The following SHISA6 variants were observed in gnomAD, a reference collection of about 807,000 sequenced individuals.
SHISA6 encodes the protein protein shisa-6.
Under a neutral mutation model 47.9 loss-of-function variants are expected in SHISA6, and 22 were observed. The observed-to-expected ratio is 0.46, with a 90% CI of 0.33 to 0.66. The LOEUF is 0.66. Ranked by LOEUF, SHISA6 falls within the 30% of genes least tolerant of loss-of-function variation. The probability of loss-of-function intolerance (pLI) is 0.02; values close to 1 mark genes in which losing one functional copy is unlikely to be tolerated. For synonymous variants in SHISA6, 388 were observed against 337.8 expected, an observed-to-expected ratio of 1.15 and a Z score of -1.63; for missense variants, 680 against 764.6, an observed-to-expected ratio of 0.89 and a Z score of 1.30.
intron 3 of SHISA6, among the ~76,000 whole-genome samples, chr17:11,415,058 G>T (rs576739779): frequency 6.7e-6 from 1 of 148,726 alleles, no homozygotes; most frequent in East Asian, 2.0e-4. Flanking sequence ...AGCCTGGGGC[G>T]ACAAGAGCAA....
chr17:11,323,340 A>G (rs1437449200), intron 2 of SHISA6, among the ~76,000 whole-genome samples: 2 of 152,160 alleles, frequency 1.3e-5, no homozygotes, highest in African/African-American at 2.4e-5. Context: ...CATTGTCCTC[A>G]TAACAATCAA....
At chr17:11,431,704 G>T (rs1914781428) in intron 3 of SHISA6, among the ~76,000 whole-genome samples, 1 of 152,166 alleles carries the variant, frequency 6.6e-6, no homozygotes, top group African/African-American at 2.4e-5. Flanking sequence ...CCAACAGCAG[G>T]TTTCCTTAAA....
Position 11,335,205 on chromosome 17 carries a change from GCT to G in SHISA6, c.800-44204_800-44203del, listed in dbSNP as rs373346419. Among the ~76,000 whole-genome samples, 606 of 152,326 alleles carry G rather than the reference GCT, an allele frequency of 4.0e-3. 4 individuals are homozygous for G. The highest frequency in any genetic ancestry group is 0.012 in the South Asian group (59 of 4,824). ...CTTGGCGGTTGCACAGATCTGCCCA[GCT>G]CTCTGCTGGAAGACTTATCCCATAT... On this transcript the variant is annotated intron_variant, in intron 2 of 5. Coordinates refer to ENST00000441885, the MANE Select transcript of SHISA6 (RefSeq NM_207386.4).
chr17:11,411,720 G>A (rs1182424077), intron 3 of SHISA6, among the ~76,000 whole-genome samples: 2 of 152,128 alleles, frequency 1.3e-5, no homozygotes, highest in African/African-American at 4.8e-5. Context: ...CTAATTCACT[G>A]AGGGTATCAC....
intron 3 of SHISA6, among the ~76,000 whole-genome samples, chr17:11,473,751 T>C (rs924480370): frequency 1.3e-5 from 2 of 152,220 alleles, no homozygotes; most frequent in African/African-American, 2.4e-5. Context: ...CTCCTTTTTT[T>C]GTATTTTACT....
At chr17:11,323,810 A>C (rs1164491824) in intron 2 of SHISA6, among the ~76,000 whole-genome samples, 3 of 152,102 alleles carry the variant, frequency 2.0e-5, no homozygotes, top group Non-Finnish European at 4.4e-5. Flanking sequence ...CAGGGGCCTC[A>C]GCATGGGTAT....
intron 3 of SHISA6, among the ~76,000 whole-genome samples, chr17:11,397,627 C>G (rs1913619140): frequency 6.7e-6 from 1 of 150,072 alleles, no homozygotes; most frequent in African/African-American, 2.4e-5. Flanking sequence ...TTCACACCTT[C>G]TTTTCCTGGA....
intron 1 of SHISA6, among the ~76,000 whole-genome samples, chr17:11,251,147 T>C (rs180975430): frequency 1.8e-4 from 28 of 152,198 alleles, no homozygotes; most frequent in Non-Finnish European, 3.7e-4. Context: ...CTGAATGTAA[T>C]GGAGTCAGTG....
At chr17:11,452,522 G>T (rs11658831) in intron 3 of SHISA6, among the ~76,000 whole-genome samples, 86,833 of 151,968 alleles carry the variant, frequency 0.57, 26,646 homozygotes, top group African/African-American at 0.81. Flanking sequence ...GCAGACACAG[G>T]TGGGGGCAAA....
intron 3 of SHISA6, among the ~76,000 whole-genome samples, chr17:11,414,039 T>C (rs1290197141): frequency 6.6e-6 from 1 of 151,606 alleles, no homozygotes; most frequent in Non-Finnish European, 1.5e-5. Context: ...CCTCTTCTCC[T>C]CTCTCCTTCT....
Position 11,357,187 on chromosome 17 carries a change from C to CAAAAAA in SHISA6, c.800-22211_800-22206dup, listed in dbSNP as rs60564976. Among the ~76,000 whole-genome samples the CAAAAAA allele has an allele frequency of 4.0e-3, 358 of 89,864 alleles. 11 individuals carry two copies. Among genetic ancestry groups the CAAAAAA allele is most frequent in the Middle Eastern group, 7.8e-3 (1 of 128 alleles). 59.0% of individuals were successfully genotyped at this position (89,864 alleles called of 152,430 possible). ...TGGGCGACAGAGCGAGACTCCGTCT[C>CAAAAAA]AAAAAAAAAAAAAAAAAAAAATGAA... is the stretch of plus-strand genomic sequence containing the variant. On this transcript the variant is annotated intron_variant, in intron 2 of 5. Transcript: ENST00000441885.
chr17:11,419,297 C>T (rs761340521), intron 3 of SHISA6, among the ~76,000 whole-genome samples: 1 of 151,378 alleles, frequency 6.6e-6, no homozygotes, highest in Non-Finnish European at 1.5e-5. Context: ...ATGTATAGTT[C>T]CTTTCTTAAA....
intron 3 of SHISA6, among the ~76,000 whole-genome samples, chr17:11,423,949 A>C (rs1385236259): frequency 6.6e-6 from 1 of 152,158 alleles, no homozygotes; most frequent in Non-Finnish European, 1.5e-5. Flanking sequence ...TGGATTAAAC[A>C]CTCCTGGAGA....
intron 3 of SHISA6, among the ~76,000 whole-genome samples, chr17:11,533,866 C>T (rs1222279231): frequency 6.6e-6 from 1 of 152,034 alleles, no homozygotes; most frequent in Admixed American, 6.6e-5. Context: ...GCTGGGATTA[C>T]AGGCGTGAGC....
intron 3 of SHISA6, among the ~76,000 whole-genome samples, chr17:11,396,421 C>G (rs1191514408): frequency 6.6e-6 from 1 of 152,162 alleles, no homozygotes; most frequent in Non-Finnish European, 1.5e-5. Flanking sequence ...CAAGTCTTTG[C>G]TACTGTGAAC....
chr17:11,488,830 G>A (rs1294866704), intron 3 of SHISA6, among the ~76,000 whole-genome samples: 1 of 152,200 alleles, frequency 6.6e-6, no homozygotes, highest in Non-Finnish European at 1.5e-5. Flanking sequence ...TAGAGGATGT[G>A]ATAGTCATAT....
At chr17:11,264,055 C>G (rs991471512) in intron 2 of SHISA6, among the ~76,000 whole-genome samples, 1 of 152,112 alleles carries the variant, frequency 6.6e-6, no homozygotes, top group African/African-American at 2.4e-5. Context: ...ATGCCTTTTA[C>G]TTTTTGTACT....
chr17:11,555,841 G>A lies in SHISA6; in HGVS notation c.1054G>A (p.Glu352Lys), dbSNP rs1429861699. 3.2e-6 allele frequency: 5 copies of A among 1,551,186 alleles called. No homozygotes were observed. Among genetic ancestry groups the A allele is most frequent in the South Asian group, 2.4e-5 (2 of 83,912 alleles). Residue 352 changes from glutamate (E) to lysine (K), a missense_variant, in exon 5 of 6, where the codon GAG becomes AAG. Physicochemically the swap from Glu to Lys is moderately conservative, Grantham distance 56. Around this residue, in one of 2 missense-constraint regions of SHISA6, gnomAD observed 559 missense variants for 674.1 expected, o/e 0.83. Transcript: ENST00000441885. ...CTTGGCCCACCTGCCCCCATCCTAC[G>A]AGTCTGCAGTAAAGACCAACCCCAG... Reference protein sequence around the residue: ...QNLAHLPPSYESAVKTNPSKY... With the variant: ...QNLAHLPPSYKSAVKTNPSKY...
intron 3 of SHISA6, among the ~76,000 whole-genome samples, chr17:11,451,975 T>C (rs1915413199): frequency 6.6e-6 from 1 of 152,222 alleles, no homozygotes; most frequent in Non-Finnish European, 1.5e-5. Flanking sequence ...CCTTTAGCTC[T>C]GAAAGTCTGT....
Sources: allele counts gnomAD v4.1 joint callset (sites outside exome capture counted in the v4.1 genomes callset), GRCh38; gene constraint gnomAD v4.1.1; regional missense constraint gnomAD v4.1.1; transcripts MANE v1.5; gene names NCBI Gene and HGNC (gene_info 2026-07-23, HGNC 2026-07-21).